BRCC3: variants seen among roughly 807,000 people sequenced by gnomAD.
BRCC3 encodes BRCA1/BRCA2-containing complex subunit 3, also known as lys-63-specific deubiquitinase BRCC36.
BRCC3 carries 15 observed loss-of-function variants against 28.0 expected under a neutral mutation model. The observed-to-expected ratio is 0.54, with a 90% CI of 0.36 to 0.82. The LOEUF (loss-of-function observed/expected upper bound fraction) is 0.82, where lower values mean the gene tolerates loss of function less well. BRCC3 is among the 40% of genes least tolerant of loss of function. The probability of loss-of-function intolerance (pLI) is 0.01; values close to 1 mark genes in which losing one functional copy is unlikely to be tolerated. For synonymous variants in BRCC3, 66 were observed against 80.3 expected (o/e 0.82, Z 0.95); for missense variants, 109 against 225.9 (o/e 0.48, Z 3.32).
At chrX:155,074,723 C>T (rs1437634839) in intron 3 of BRCC3, among the ~76,000 whole-genome samples, 3 of 112,287 alleles carry the variant, frequency 2.7e-5, no homozygotes, top group African/African-American at 9.7e-5. Flanking sequence ...TCAGTTTGTA[C>T]TGTCTAAATT....
Position 155,090,854 on chromosome X carries a change from G to T in BRCC3, c.548+15G>T, listed in dbSNP as rs781940693. 3.5e-6 allele frequency: 4 copies of T among 1,130,381 alleles called. No homozygotes were observed. In the South Asian group the frequency reaches 7.6e-5, roughly 21 times the overall value. The allele number at this position is 1,130,381 out of a possible 1,213,427, so 93.2% of individuals were successfully genotyped here. A position where few individuals can be genotyped will look rare whatever the true frequency, so the allele number is the denominator to read the frequency against. On this transcript the variant is annotated intron_variant, in intron 7 of 10. Coordinates refer to ENST00000330045, the MANE Select transcript of BRCC3 (RefSeq NM_001018055.3). The stretch of plus-strand genomic sequence containing the variant: ...AAGAGTTCAGAGTAAGTATGAGAGA[G>T]ACTTATGTGTGTATTGGAGGGCTAA...
intron 7 of BRCC3, among the ~76,000 whole-genome samples, chrX:155,103,062 G>A (rs955747043): frequency 1.3e-4 from 14 of 111,797 alleles, no homozygotes; most frequent in African/African-American, 4.2e-4. Flanking sequence ...CATCTTTTAC[G>A]TATCACAGTC....
intron 3 of BRCC3, among the ~76,000 whole-genome samples, chrX:155,075,042 G>A (rs1488533420): frequency 1.8e-5 from 2 of 112,450 alleles, no homozygotes; most frequent in African/African-American, 3.2e-5. Context: ...TTTGAAGGGT[G>A]TATTTTAGTT....
At chrX:155,079,498 A>C (rs781881578) in intron 5 of BRCC3, among the ~76,000 whole-genome samples, 2 of 111,845 alleles carry the variant, frequency 1.8e-5, no homozygotes, top group East Asian at 5.6e-4. Flanking sequence ...CCAGACTTTA[A>C]TGAAACACGA....
chrX:155,106,180 C>T (rs1602798128), intron 7 of BRCC3, among the ~76,000 whole-genome samples: 1 of 112,147 alleles, frequency 8.9e-6, no homozygotes, highest in East Asian at 2.8e-4. Context: ...TTGTGTCTTT[C>T]GGGAGTGTTG....
At chrX:155,083,069 C>T (rs2074095517) in intron 5 of BRCC3, among the ~76,000 whole-genome samples, 2 of 112,279 alleles carry the variant, frequency 1.8e-5, no homozygotes, top group Non-Finnish European at 3.8e-5. Flanking sequence ...GATTTCTCTG[C>T]CTCAAACTAA....
chrX:155,082,577 C>T (rs1557294282), intron 5 of BRCC3, among the ~76,000 whole-genome samples: 2 of 112,480 alleles, frequency 1.8e-5, no homozygotes, highest in African/African-American at 6.5e-5. Context: ...CCTCCCTCTC[C>T]AACATACACA....
At position 155,077,239 on chromosome X, in the gene BRCC3, C is replaced by A. The variant is rs1219292695; in HGVS notation, c.265C>A (p.Arg89=). 4 of 1,191,415 alleles carry A rather than the reference C, an allele frequency of 3.4e-6. No individual in the cohort carries two copies. The highest frequency in any genetic ancestry group is 2.2e-5 in the Admixed American group (1 of 45,361). ...ILRRSDKRKD[R]VEISPEQLSA... is the part of the protein sequence containing the mutation. ...ACGACGTTCTGATAAGAGGAAGGAC[C>A]GAGTAGAAATTTCTCCAGAGCAGCT... The change falls in exon 4 of 11, where the codon CGA becomes AGA. Residue 89 remains arginine, a synonymous_variant. Coordinates refer to ENST00000330045, the MANE Select transcript of BRCC3 (RefSeq NM_001018055.3).
intron 9 of BRCC3, among the ~76,000 whole-genome samples, chrX:155,118,771 A>C (rs1461455356): frequency 1.8e-5 from 2 of 111,631 alleles, no homozygotes; most frequent in Admixed American, 9.5e-5. Flanking sequence ...GGAAGAACTC[A>C]CCCCATGACC....
chrX:155,116,777 TCAG>T (rs781791344), intron 9 of BRCC3, 23 bp downstream of exon 9: 9 of 1,110,397 alleles, frequency 8.1e-6, no homozygotes, highest in Non-Finnish European at 1.1e-5. Flanking sequence ...TCTTGAGTAC[TCAG>T]CATTTTTTCT....
chrX:155,072,601 G>C (rs888320891), intron 2 of BRCC3, among the ~76,000 whole-genome samples: 1 of 111,078 alleles, frequency 9.0e-6, no homozygotes. Flanking sequence ...TCACTCTGTC[G>C]CCCAGGCTGG....
chrX:155,094,875 C>G (rs1557296065), intron 7 of BRCC3, among the ~76,000 whole-genome samples: 2 of 112,226 alleles, frequency 1.8e-5, no homozygotes, highest in African/African-American at 6.5e-5. Context: ...TTCAGAATTA[C>G]TTGGTATGTG....
At chrX:155,100,689 G>A (rs1224972638) in intron 7 of BRCC3, among the ~76,000 whole-genome samples, 1 of 111,769 alleles carries the variant, frequency 8.9e-6, no homozygotes, top group Admixed American at 9.5e-5. Flanking sequence ...TTGACCATGT[G>A]CTTCAGGTAG....
intron 7 of BRCC3, among the ~76,000 whole-genome samples, chrX:155,104,638 G>A (rs1323330583): frequency 8.9e-6 from 1 of 112,512 alleles, no homozygotes; most frequent in Non-Finnish European, 1.9e-5. Flanking sequence ...CCTTCCCAGA[G>A]TCTCAGCTCC....
At chrX:155,077,429 C>G (rs1557293768) in intron 4 of BRCC3, 140 bp downstream of exon 4, 8 of 547,969 alleles carry the variant, frequency 1.5e-5, no homozygotes, top group Non-Finnish European at 1.8e-5. Flanking sequence ...TAGAATTTCT[C>G]TCTATTTCTC....
chrX:155,075,917 A>C (rs782625267), intron 3 of BRCC3, among the ~76,000 whole-genome samples: 1 of 112,151 alleles, frequency 8.9e-6, no homozygotes, highest in African/African-American at 3.2e-5. Flanking sequence ...TTCACACTTT[A>C]CTACTTCCAT....
intron 5 of BRCC3, among the ~76,000 whole-genome samples, chrX:155,079,373 C>T (rs1475012763): frequency 2.7e-5 from 3 of 111,515 alleles, no homozygotes; most frequent in South Asian, 7.4e-4. Context: ...GGTCTGACTC[C>T]CAAGTCTGCT....
chrX:155,081,888 T>C (rs1253930510), intron 5 of BRCC3, among the ~76,000 whole-genome samples: 1 of 111,741 alleles, frequency 8.9e-6, no homozygotes, highest in Non-Finnish European at 1.9e-5. Flanking sequence ...TGGACCTTAA[T>C]GATTTTGTTG....
At chrX:155,099,539 C>T in intron 7 of BRCC3, 6 of 838,413 alleles carry the variant, frequency 7.2e-6, no homozygotes, top group Non-Finnish European at 9.7e-6. Context: ...ACTAGGAAAT[C>T]TAGTCTTTTA....
Sources: gnomAD v4.1 joint callset for allele counts (sites outside exome capture counted in the v4.1 genomes callset) on GRCh38, gnomAD v4.1.1 for gene constraint, MANE v1.5 for transcripts, NCBI Gene and HGNC (gene_info 2026-07-23, HGNC 2026-07-21) for gene names.